Variants in CACNG5 observed in about 807,000 individuals in gnomAD.
CACNG5 encodes the protein voltage-dependent calcium channel gamma-5 subunit.
Under a neutral mutation model 24.8 loss-of-function variants are expected in CACNG5, and 18 were observed. That is an observed-to-expected ratio of 0.73 (90% confidence interval 0.50 to 1.08). The LOEUF (loss-of-function observed/expected upper bound fraction) is 1.08, where lower values mean the gene tolerates loss of function less well. Among genes scored for constraint, CACNG5 ranks in the 50% least tolerant of loss-of-function variants. CACNG5 has a pLI of 0.00. For synonymous variants in CACNG5, 157 were observed against 149.1 expected, an observed-to-expected ratio of 1.05 and a Z score of -0.39; for missense variants, 349 against 367.9, an observed-to-expected ratio of 0.95 and a Z score of 0.42.
intron 1 of CACNG5, among the ~76,000 whole-genome samples, chr17:66,873,042 G>A (rs554350251): frequency 2.1e-4 from 32 of 152,244 alleles, no homozygotes; most frequent in African/African-American, 7.5e-4. Context: ...TTTAAAGCCA[G>A]CCTACGGCTC....
At chr17:66,855,404 G>A (rs1976761484) in intron 1 of CACNG5, among the ~76,000 whole-genome samples, 1 of 152,198 alleles carries the variant, frequency 6.6e-6, no homozygotes, top group Admixed American at 6.5e-5. Context: ...ATGTTCAACC[G>A]ACAGGGGGCG....
At chr17:66,849,030 C>T (rs1380215070) in intron 1 of CACNG5, among the ~76,000 whole-genome samples, 6 of 152,130 alleles carry the variant, frequency 3.9e-5, no homozygotes, top group African/African-American at 1.2e-4. Flanking sequence ...GTTGTCAGCC[C>T]TAGAGCCGGG....
At chr17:66,858,016 C>T (rs1280167871) in intron 1 of CACNG5, among the ~76,000 whole-genome samples, 1 of 152,202 alleles carries the variant, frequency 6.6e-6, no homozygotes, top group African/African-American at 2.4e-5. Context: ...TGGGCATGGG[C>T]TCCTGGGAGA....
chr17:66,879,858 A>AG (rs1368861352), intron 3 of CACNG5, among the ~76,000 whole-genome samples: 1 of 152,176 alleles, frequency 6.6e-6, no homozygotes, highest in African/African-American at 2.4e-5. Context: ...CTCACCCTCT[A>AG]GCCCCTTACC....
At chr17:66,836,515 C>T (rs866230661) in intron 1 of CACNG5, among the ~76,000 whole-genome samples, 24 of 152,346 alleles carry the variant, frequency 1.6e-4, no homozygotes, top group Middle Eastern at 3.4e-3. Flanking sequence ...GGTGGCACCT[C>T]TTTGCAGACC....
At chr17:66,858,890 T>A (rs911736773) in intron 1 of CACNG5, among the ~76,000 whole-genome samples, 19 of 152,196 alleles carry the variant, frequency 1.2e-4, no homozygotes, top group Non-Finnish European at 1.8e-4. Context: ...TGTGAATACC[T>A]TGAATTCATC....
intron 1 of CACNG5, among the ~76,000 whole-genome samples, chr17:66,849,765 G>A (rs1046874474): frequency 6.6e-6 from 1 of 152,222 alleles, no homozygotes; most frequent in Admixed American, 6.5e-5. Context: ...CCATAGGAAA[G>A]CATTGGGTAA....
intron 1 of CACNG5, among the ~76,000 whole-genome samples, chr17:66,857,065 G>GTTTTTTTTTT (rs56153121): frequency 1.1e-5 from 1 of 94,004 alleles, no homozygotes; most frequent in African/African-American, 4.4e-5. Context: ...CAATTTTTAA[G>GTTTTTTTTTT]TTTTTTTTTT....
At chr17:66,857,691 C>T (rs1315486130) in intron 1 of CACNG5, among the ~76,000 whole-genome samples, 1 of 152,208 alleles carries the variant, frequency 6.6e-6, no homozygotes, top group Admixed American at 6.5e-5. Flanking sequence ...TATTGGGAAG[C>T]TCCGCTCTAG....
At chr17:66,867,113 A>G (rs1482406123) in intron 1 of CACNG5, among the ~76,000 whole-genome samples, 2 of 152,234 alleles carry the variant, frequency 1.3e-5, no homozygotes, top group African/African-American at 4.8e-5. Context: ...CTATTTCTAC[A>G]TAGCCTTGCC....
chr17:66,876,285 G>C (rs1163837016), intron 1 of CACNG5, among the ~76,000 whole-genome samples: 1 of 152,208 alleles, frequency 6.6e-6, no homozygotes, highest in African/African-American at 2.4e-5. Context: ...TCTTGGAGCA[G>C]CACCAGGGTA....
Position 66,837,412 on chromosome 17 carries a change from G to A in CACNG5, c.-104+2162G>A, listed in dbSNP as rs375010973. Among the ~76,000 whole-genome samples the A allele has an allele frequency of 1.7e-4, 26 of 152,268 alleles. No homozygotes were observed. The South Asian group carries it at 2.7e-3, about 16-fold the overall frequency. On this transcript the variant is annotated intron_variant, in intron 1 of 5. Coordinates refer to ENST00000533854, the MANE Select transcript of CACNG5 (RefSeq NM_145811.3). ...CACTTCTGTCCCCAGCTTCTGCCCC[G>A]AGCCATTGGTGTCCTGGGCCCACCC...
Position 66,880,564 on chromosome 17 carries a change from C to A in CACNG5, c.291C>A (p.Ile97=). The change falls in exon 4 of 6, where the codon ATC becomes ATA. Residue 97 remains isoleucine, a synonymous_variant. Coordinates refer to ENST00000533854, the MANE Select transcript of CACNG5 (RefSeq NM_145811.3). ...TTTTGTCCCGTTAATTAGAGATGAT[C>A]CGCTCAGCCACACCATTCCCTCTGG... is the stretch of plus-strand genomic sequence containing the variant. ...SESTVNVLKM[I]RSATPFPLVS... is the part of the protein sequence containing the mutation. 4 of 1,614,188 alleles carry A rather than the reference C, an allele frequency of 2.5e-6. No homozygotes were observed. The highest frequency in any genetic ancestry group is 3.4e-6 in the Non-Finnish European group (4 of 1,180,030).
chr17:66,850,855 C>T (rs978942217), intron 1 of CACNG5, among the ~76,000 whole-genome samples: 4 of 152,122 alleles, frequency 2.6e-5, no homozygotes, highest in African/African-American at 9.7e-5. Context: ...TTTTAAAATA[C>T]ATCATTGACT....
In CACNG5 at chr17:66,835,120, GGCGCCGA is replaced by G. The variant is rs1443767711; in HGVS notation, c.-230_-224del. ...TGCGGCGGCGGCGGCCACGGTCATT[GGCGCCGA>G]GCGGTTCCGGCTGACTGGACGGGGC... On this transcript the variant is annotated 5_prime_UTR_variant, in exon 1 of 6. Coordinates refer to ENST00000533854, the MANE Select transcript of CACNG5 (RefSeq NM_145811.3). The G allele has an allele frequency of 6.6e-6, 1 of 152,226 alleles. No homozygotes were observed. The highest frequency in any genetic ancestry group is 1.5e-5 in the Non-Finnish European group (1 of 68,098). The allele number at this position is 152,226 out of a possible 1,614,324, so 9.4% of individuals were successfully genotyped here.
intron 4 of CACNG5, 73 bp downstream of exon 4, chr17:66,880,770 C>G: frequency 6.5e-7 from 1 of 1,550,032 alleles, no homozygotes. Flanking sequence ...GAGACAGAGT[C>G]TTGCTCTGGC....
In CACNG5 at chr17:66,885,322, C is replaced by G; in HGVS notation, c.*82C>G. 6.7e-7 allele frequency: 1 copy of G among 1,483,472 alleles called. No homozygotes were observed. 91.9% of individuals were successfully genotyped at this position (1,483,472 alleles called of 1,614,324 possible). A position where few individuals can be genotyped will look rare whatever the true frequency, so the allele number is the denominator to read the frequency against. On this transcript the variant is annotated 3_prime_UTR_variant, in exon 6 of 6. Transcript: ENST00000533854. ...TCCAGGTGACCCCTGAGCCCCAGGC[C>G]TGTGGTTGACAGGCCCAGGCCACCC...
At position 66,877,269 on chromosome 17, in the gene CACNG5, C is replaced by T. The variant is rs186268864; in HGVS notation, c.-64C>T. The stretch of plus-strand genomic sequence containing the variant: ...CCACCTGCTCACCCACTCTCCCTAG[C>T]CCCAGAGCGCAGTCCGTGCTGGTGG... On this transcript the variant is annotated 5_prime_UTR_variant, in exon 2 of 6. Coordinates refer to ENST00000533854, the MANE Select transcript of CACNG5 (RefSeq NM_145811.3). The T allele has an allele frequency of 2.7e-3, 3,801 of 1,421,586 alleles. 16 individuals are homozygous for T. Among genetic ancestry groups the T allele is most frequent in the Non-Finnish European group, 3.3e-3 (3,413 of 1,023,118 alleles). 88.1% of individuals were successfully genotyped at this position (1,421,586 alleles called of 1,614,324 possible).
In CACNG5 at chr17:66,889,860, T is replaced by C. The variant is rs1977316998; in HGVS notation, c.*4620T>C. Among the ~76,000 whole-genome samples, 1 of 152,174 alleles carries C rather than the reference T, an allele frequency of 6.6e-6. No homozygotes were observed. The highest frequency in any genetic ancestry group is 1.5e-5 in the Non-Finnish European group (1 of 68,034). The stretch of plus-strand genomic sequence containing the variant: ...GTTAGAAAAATGTTTGGCCAAATAT[T>C]TGGGCAGCACCATGGCCCAGCCACA... On this transcript the variant is annotated 3_prime_UTR_variant, in exon 6 of 6. Transcript: ENST00000533854.
Sources: gnomAD v4.1 joint callset for allele counts (sites outside exome capture counted in the v4.1 genomes callset) on GRCh38, gnomAD v4.1.1 for gene constraint, MANE v1.5 for transcripts, NCBI Gene and HGNC (gene_info 2026-07-23, HGNC 2026-07-21) for gene names.